HSPA12A: variants seen among roughly 807,000 people sequenced by gnomAD.
The protein encoded by HSPA12A is heat shock protein family A (Hsp70) member 12A, also known as heat shock 70 kDa protein 12A.
HSPA12A carries 28 observed loss-of-function variants against 69.2 expected under a neutral mutation model. The observed-to-expected ratio is 0.40, with a 90% CI of 0.30 to 0.55. The LOEUF is 0.55. Ranked by LOEUF, HSPA12A falls within the 20% of genes least tolerant of loss-of-function variation. The probability of loss-of-function intolerance (pLI) is 0.38; values close to 1 mark genes in which losing one functional copy is unlikely to be tolerated. For missense variants in HSPA12A, 686 were observed against 900.7 expected (o/e 0.76, Z 3.05); for synonymous variants, 345 against 370.5 (o/e 0.93, Z 0.79).
intron 1 of HSPA12A, among the ~76,000 whole-genome samples, chr10:116,711,764 C>T (rs1385591755): frequency 4.6e-5 from 7 of 150,692 alleles, no homozygotes; most frequent in Admixed American, 2.6e-4. Flanking sequence ...CCCAGGTTCA[C>T]GACATTCTCC....
At chr10:116,849,504 G>A in intron 1 of HSPA12A, 1 of 1,433,982 alleles carries the variant, frequency 7.0e-7, no homozygotes, top group South Asian at 1.5e-5. Context: ...GCGTTGCCTA[G>A]CGACAGCAGG....
At position 116,675,543 on chromosome 10, in the gene HSPA12A, C is replaced by T. The variant is rs1849213142; in HGVS notation, c.1391-125G>A. On this transcript the variant is annotated intron_variant, in intron 11 of 11. Transcript: ENST00000369209. The surrounding 1 kb of genome is among the most constrained non-coding windows in gnomAD (Gnocchi z 5.2). The stretch of plus-strand genomic sequence containing the variant: ...GGGCCACTGGGAGGGCAGGCTTACT[C>T]TGAGCTCCTTGAACAGAATCTTTGC... The T allele has an allele frequency of 6.3e-6, 6 of 954,866 alleles. No homozygotes were observed. Among genetic ancestry groups the T allele is most frequent in the Non-Finnish European group, 6.2e-6 (4 of 649,520 alleles). 59.1% of individuals were successfully genotyped at this position (954,866 alleles called of 1,614,324 possible). A position where few individuals can be genotyped will look rare whatever the true frequency, so the allele number is the denominator to read the frequency against.
rs73387520 is a variant in HSPA12A, at chr10:116,842,958, C to A, written c.3+6608G>T. 7.5e-3 allele frequency among the ~76,000 whole-genome samples: 1,141 copies of A among 152,276 alleles called. 10 individuals carry two copies. The highest frequency in any genetic ancestry group is 0.026 in the African/African-American group (1,085 of 41,532). On this transcript the variant is annotated intron_variant, in intron 1 of 12. Coordinates refer to the HSPA12A transcript ENST00000635765. ...ACTATCTGAACTCACTGAATAATTACCCTACTTCCAGTTTCATTCTGCCCA... is the reference window on the plus strand; with the variant it reads ...ACTATCTGAACTCACTGAATAATTAACCTACTTCCAGTTTCATTCTGCCCA...
chr10:116,781,274 T>C (rs138167700), intron 2 of HSPA12A, among the ~76,000 whole-genome samples: 2 of 151,494 alleles, frequency 1.3e-5, no homozygotes, highest in African/African-American at 2.4e-5. Context: ...GGCAATAGAG[T>C]GAGACCCTGC....
chr10:116,798,289 G>A (rs1844877767), intron 2 of HSPA12A, among the ~76,000 whole-genome samples: 1 of 152,144 alleles, frequency 6.6e-6, no homozygotes, highest in Non-Finnish European at 1.5e-5. Context: ...GTAACCAACT[G>A]TCTTGGTTTG....
chr10:116,812,167 C>G (rs113989470), intron 2 of HSPA12A, among the ~76,000 whole-genome samples: 1,524 of 152,260 alleles, frequency 0.01, 21 homozygotes, highest in African/African-American at 0.031. Flanking sequence ...AAAATCATGA[C>G]ACTGGCTGGG....
upstream of HSPA12A, among the ~76,000 whole-genome samples, chr10:116,747,084 G>A (rs1395962103): frequency 6.6e-6 from 1 of 152,210 alleles, no homozygotes; most frequent in East Asian, 1.9e-4. Context: ...TAAAAAGCCA[G>A]CCTTACAGCT....
intron 1 of HSPA12A, chr10:116,849,388 C>G (rs1845981909): frequency 1.3e-6 from 1 of 776,866 alleles, no homozygotes; most frequent in Non-Finnish European, 1.8e-6. Flanking sequence ...AAAGACAGAG[C>G]AGCGAGCGCA....
rs74513719 is a variant in HSPA12A, at chr10:116,784,281, C to A, written c.91+50654G>T. Among the ~76,000 whole-genome samples, 368 of 152,354 alleles carry A rather than the reference C, an allele frequency of 2.4e-3. 1 individual carries two copies. The highest frequency in any genetic ancestry group is 4.2e-3 in the Non-Finnish European group (288 of 68,034). ...GTGGCTGGGGTGATGCATGTCTCTC[C>A]AAGGCAGGCCGCTCCTGACCTAGGT... On this transcript the variant is annotated intron_variant, in intron 2 of 12. Coordinates refer to the HSPA12A transcript ENST00000635765.
rs1844684735 is a variant in HSPA12A at position 116,790,669 on chromosome 10, C to T, written c.91+44266G>A. Among the ~76,000 whole-genome samples the T allele has an allele frequency of 2.0e-5, 3 of 151,932 alleles. No individual in the cohort carries two copies. The South Asian group carries it at 6.2e-4, about 32-fold the overall frequency. ...TAAAGGACACTCTCCATTCCCAGAC[C>T]CCATCTCATTGTCTAGTTATCATTT... On this transcript the variant is annotated intron_variant, in intron 2 of 12. Coordinates refer to the HSPA12A transcript ENST00000635765.
chr10:116,799,522 C>T (rs528487377), intron 2 of HSPA12A, among the ~76,000 whole-genome samples: 13 of 152,110 alleles, frequency 8.5e-5, no homozygotes, highest in East Asian at 1.9e-4. Context: ...CACACTCATG[C>T]GCACAGACAC....
intron 2 of HSPA12A, among the ~76,000 whole-genome samples, chr10:116,816,886 T>C (rs1352733847): frequency 1.3e-5 from 2 of 152,180 alleles, no homozygotes; most frequent in East Asian, 3.9e-4. Context: ...GCTAAGTTTA[T>C]TTTTCTGGTG....
intron 2 of HSPA12A, among the ~76,000 whole-genome samples, chr10:116,802,040 G>C (rs1042749076): frequency 1.3e-5 from 2 of 152,206 alleles, no homozygotes; most frequent in Non-Finnish European, 2.9e-5. Context: ...AGCCACCCTG[G>C]GGAGGGCATA....
chr10:116,776,087 C>G (rs541406248), intron 2 of HSPA12A, among the ~76,000 whole-genome samples: 1 of 152,294 alleles, frequency 6.6e-6, no homozygotes, highest in East Asian at 1.9e-4. Context: ...TGACTGCCCC[C>G]CAGTACCCAA....
chr10:116,698,704 A>T lies in HSPA12A; in HGVS notation c.477T>A (p.Asn159Lys). The stretch of plus-strand genomic sequence containing the variant: ...TTTCAAGGGCTTTGACTTTCTTGCC[A>T]TTTGCTGCCGTCAGGTCTGTATCCA... ...LTMDTDLTAA[N>K]GKKVKALEIF... is the part of the protein sequence containing the mutation. Residue 159 changes from asparagine (N) to lysine (K), a missense_variant, in exon 5 of 12, where the codon AAT becomes AAA. Physicochemically the swap from Asn to Lys is moderately conservative, Grantham distance 94 (BLOSUM62 0). Coordinates refer to ENST00000369209, the MANE Select transcript of HSPA12A (RefSeq NM_025015.3). The T allele has an allele frequency of 6.2e-7, 1 of 1,614,102 alleles. No homozygotes were observed. Among genetic ancestry groups the T allele is most frequent in the Non-Finnish European group, 8.5e-7 (1 of 1,179,942 alleles).
chr10:116,759,631 C>T (rs1843927944), intron 2 of HSPA12A, among the ~76,000 whole-genome samples: 1 of 152,216 alleles, frequency 6.6e-6, no homozygotes, highest in South Asian at 2.1e-4. Context: ...GAGTAAATGA[C>T]AGTGGCTTTG....
intron 2 of HSPA12A, among the ~76,000 whole-genome samples, chr10:116,748,391 C>T (rs1851698486): frequency 6.6e-6 from 1 of 152,204 alleles, no homozygotes; most frequent in Non-Finnish European, 1.5e-5. Flanking sequence ...AAGAGCAATG[C>T]TTGCACAAGT....
intron 4 of HSPA12A, among the ~76,000 whole-genome samples, chr10:116,699,057 C>T (rs1404027727): frequency 6.6e-6 from 1 of 152,164 alleles, no homozygotes; most frequent in East Asian, 1.9e-4. Context: ...AGAGAATAGG[C>T]AGCAGGTGCC....
At chr10:116,840,803 A>T (rs765222964) in intron 1 of HSPA12A, among the ~76,000 whole-genome samples, 6 of 152,214 alleles carry the variant, frequency 3.9e-5, no homozygotes, top group Admixed American at 2.0e-4. Context: ...TAGATAGAGT[A>T]CAAATATTTG....
Sources: gnomAD v4.1 joint callset for allele counts (sites outside exome capture counted in the v4.1 genomes callset) on GRCh38, gnomAD v4.1.1 for gene constraint, Gnocchi (gnomAD v3.1) non-coding constraint, MANE v1.5 for transcripts, NCBI Gene and HGNC (gene_info 2026-07-23, HGNC 2026-07-21) for gene names.